ARMH4: variants seen among roughly 807,000 people sequenced by gnomAD.
ARMH4 encodes armadillo-like helical domain-containing protein 4.
A neutral mutation model predicts 61.9 loss-of-function variants in ARMH4; 49 were observed. That is an observed-to-expected ratio of 0.79 (90% CI 0.63 to 1.00). The LOEUF is 1.00. Ranked by LOEUF, ARMH4 falls within the 50% of genes least tolerant of loss-of-function variation. ARMH4 has a pLI of 0.00. For synonymous variants in ARMH4, 368 were observed against 341.5 expected, an observed-to-expected ratio of 1.08 and a Z score of -0.85; for missense variants, 934 against 930.0, an observed-to-expected ratio of 1.00 and a Z score of -0.06.
At chr14:58,044,559 T>G (rs1883859386) in intron 5 of ARMH4, among the ~76,000 whole-genome samples, 1 of 152,260 alleles carries the variant, frequency 6.6e-6, no homozygotes, top group Admixed American at 6.5e-5. Context: ...GCATGGGCAA[T>G]GACTTCATGT....
At chr14:58,038,198 T>G (rs1883544571) in intron 5 of ARMH4, among the ~76,000 whole-genome samples, 1 of 52,048 alleles carries the variant, frequency 1.9e-5, no homozygotes, top group African/African-American at 6.7e-5. Flanking sequence ...GTGGCACATA[T>G]ACACCATGGA....
At chr14:58,052,417 G>T (rs178475) in intron 5 of ARMH4, among the ~76,000 whole-genome samples, 1 of 151,896 alleles carries the variant, frequency 6.6e-6, no homozygotes, top group East Asian at 1.9e-4. Flanking sequence ...GGGTTTCATG[G>T]GAACATTCTA....
intron 5 of ARMH4, among the ~76,000 whole-genome samples, chr14:58,023,751 G>T (rs529098891): frequency 6.6e-6 from 1 of 152,288 alleles, no homozygotes; most frequent in African/African-American, 2.4e-5. Flanking sequence ...AATAAGACAT[G>T]AAGGTCAAAA....
At chr14:58,096,145 GC>G (rs1228235877) in intron 5 of ARMH4, among the ~76,000 whole-genome samples, 1 of 152,132 alleles carries the variant, frequency 6.6e-6, no homozygotes, top group Non-Finnish European at 1.5e-5. Context: ...GGCCACCCTA[GC>G]TGCTGAAATG....
intron 4 of ARMH4, chr14:58,116,392 T>C (rs532377811): frequency 3.2e-5 from 12 of 380,502 alleles, no homozygotes; most frequent in South Asian, 2.0e-4. Flanking sequence ...AATATTTTCT[T>C]GGCTGGGTGC....
intron 5 of ARMH4, among the ~76,000 whole-genome samples, chr14:58,031,252 T>C (rs1040386429): frequency 2.0e-5 from 3 of 152,192 alleles, no homozygotes; most frequent in African/African-American, 7.2e-5. Context: ...AGAAATAAAA[T>C]CTGATTATCC....
At chr14:58,079,354 A>G (rs1205184365) in intron 5 of ARMH4, among the ~76,000 whole-genome samples, 2 of 152,242 alleles carry the variant, frequency 1.3e-5, no homozygotes, top group East Asian at 3.9e-4. Context: ...GCAGAAGGGC[A>G]AGAGAGCACA....
chr14:58,050,483 T>C (rs546911293), intron 5 of ARMH4, among the ~76,000 whole-genome samples: 16 of 152,228 alleles, frequency 1.1e-4, no homozygotes, highest in African/African-American at 2.4e-4. Flanking sequence ...CATTCTCCTA[T>C]AGGAGGAATT....
chr14:58,094,042 A>G lies in ARMH4; in HGVS notation c.2089+2682T>C, dbSNP rs149133495. Among the ~76,000 whole-genome samples the G allele has an allele frequency of 1.1e-4, 17 of 152,322 alleles. 1 individual carries two copies. In the East Asian group the frequency reaches 3.3e-3, roughly 29 times the overall value. On this transcript the variant is annotated intron_variant, in intron 5 of 7. Coordinates refer to ENST00000267485, the MANE Select transcript of ARMH4 (RefSeq NM_001001872.4). ...TGGTATCACTAATTTAAGAAACTTAAGCTGTGGCTGGGCACGGTGGGTCAT... is the reference window on the plus strand; with the variant it reads ...TGGTATCACTAATTTAAGAAACTTAGGCTGTGGCTGGGCACGGTGGGTCAT...
chr14:58,113,451 T>C (rs540059205), intron 4 of ARMH4, among the ~76,000 whole-genome samples: 10 of 152,212 alleles, frequency 6.6e-5, no homozygotes, highest in Non-Finnish European at 1.3e-4. Flanking sequence ...CATCTTTTGG[T>C]GTGCTTGTGT....
intron 5 of ARMH4, among the ~76,000 whole-genome samples, chr14:58,022,297 T>C (rs554155014): frequency 4.7e-4 from 71 of 151,950 alleles, no homozygotes; most frequent in Admixed American, 2.0e-3. Context: ...TCTCTGACTC[T>C]AACCCTCCTA....
chr14:58,131,202 T>C (rs938376599), intron 4 of ARMH4: 3 of 251,624 alleles, frequency 1.2e-5, no homozygotes, highest in Non-Finnish European at 2.3e-5. Flanking sequence ...GAAAATGAAT[T>C]AGTATGGCTG....
chr14:58,103,596 A>G (rs879897412), intron 4 of ARMH4, among the ~76,000 whole-genome samples: 68 of 108,776 alleles, frequency 6.3e-4, no homozygotes, highest in Admixed American at 1.8e-3. Context: ...AAAGAGCACT[A>G]TATTTTTTTT....
intron 5 of ARMH4, among the ~76,000 whole-genome samples, chr14:58,027,605 TTAACA>T (rs1292650486): frequency 6.6e-5 from 10 of 151,878 alleles, no homozygotes; most frequent in Non-Finnish European, 1.3e-4. Context: ...ATCAAACTAA[TTAACA>T]TATCTATTAA....
At position 58,096,938 on chromosome 14, in the gene ARMH4, A is replaced by T. The variant is rs1312961016; in HGVS notation, c.1875T>A (p.Asp625Glu). The change falls in exon 5 of 8, where the codon GAT (aspartate) becomes GAA (glutamate). Residue 625 changes from aspartate (D) to glutamate (E), a missense_variant. Transcript: ENST00000267485. Reference sequence around the variant, plus strand: ...CTTCTTCCTCATCTTCCTCTTCTTCATCTTCATCTTCTTCATCCTCTTCAT... The same window carrying T: ...CTTCTTCCTCATCTTCCTCTTCTTCTTCTTCATCTTCTTCATCCTCTTCAT... ...DEDEEDEEDE[D>E]EEEEDEEEDE... 2 of 1,612,962 alleles carry T rather than the reference A, an allele frequency of 1.2e-6. No homozygotes were observed. Among genetic ancestry groups the T allele is most frequent in the South Asian group, 1.1e-5 (1 of 91,042 alleles).
At chr14:58,092,987 G>A (rs993441090) in intron 5 of ARMH4, among the ~76,000 whole-genome samples, 16 of 151,976 alleles carry the variant, frequency 1.1e-4, no homozygotes, top group Non-Finnish European at 2.4e-4. Flanking sequence ...GTGCTGGGAC[G>A]GACTTCGTGG....
chr14:58,138,204 C>G lies in ARMH4; in HGVS notation c.1155G>C (p.Gly385=). ...CAGTGAAAGCAGGTGATCTCTCATT[C>G]CCATGCGCTATTAGCAGGGCTGTGC... ...HTGTALLIAH[G]NERSPAFTDQ... Residue 385 remains glycine, a synonymous_variant, in exon 2 of 8, where the codon GGG becomes GGC. Coordinates refer to ENST00000267485, the MANE Select transcript of ARMH4 (RefSeq NM_001001872.4). The G allele has an allele frequency of 6.2e-7, 1 of 1,614,196 alleles. No homozygotes were observed. The highest frequency in any genetic ancestry group is 1.3e-5 in the African/African-American group (1 of 75,050).
intron 5 of ARMH4, among the ~76,000 whole-genome samples, chr14:58,025,686 T>C (rs963690064): frequency 6.6e-6 from 1 of 152,194 alleles, no homozygotes; most frequent in Non-Finnish European, 1.5e-5. Flanking sequence ...CTTACTAAGT[T>C]TTAAGTATTA....
intron 5 of ARMH4, among the ~76,000 whole-genome samples, chr14:58,052,493 T>C (rs544185697): frequency 6.6e-6 from 1 of 152,270 alleles, no homozygotes; most frequent in South Asian, 2.1e-4. Context: ...TCCGTTTGTG[T>C]TGGTTTGCCT....
Sources: gnomAD v4.1 joint callset for allele counts (sites outside exome capture counted in the v4.1 genomes callset) on GRCh38, gnomAD v4.1.1 for gene constraint, MANE v1.5 for transcripts, NCBI Gene and HGNC (gene_info 2026-07-23, HGNC 2026-07-21) for gene names.